Variants in CTDSPL observed in about 807,000 individuals in gnomAD.
CTDSPL encodes the protein CTD small phosphatase-like protein.
In CTDSPL, 8 loss-of-function variants were observed where a neutral mutation model predicts 30.5. The ratio of observed to expected loss-of-function variants is 0.26; its 90% CI spans 0.15 to 0.47. The LOEUF (loss-of-function observed/expected upper bound fraction) is 0.47, where lower values mean the gene tolerates loss of function less well. Among genes scored for constraint, CTDSPL ranks in the 20% least tolerant of loss-of-function variants. The probability of loss-of-function intolerance (pLI) is 0.99; values close to 1 mark genes in which losing one functional copy is unlikely to be tolerated. For missense variants in CTDSPL, 248 were observed against 366.1 expected, an observed-to-expected ratio of 0.68 and a Z score of 2.63; for synonymous variants, 110 against 137.9, an observed-to-expected ratio of 0.80 and a Z score of 1.42.
At chr3:37,885,210 A>G (rs1698249955) in intron 1 of CTDSPL, among the ~76,000 whole-genome samples, 1 of 152,224 alleles carries the variant, frequency 6.6e-6, no homozygotes, top group African/African-American at 2.4e-5. Flanking sequence ...GAATATGGGT[A>G]TCCAAGAGGC....
intron 1 of CTDSPL, among the ~76,000 whole-genome samples, chr3:37,893,862 AT>A (rs976230368): frequency 1.3e-5 from 2 of 152,018 alleles, no homozygotes; most frequent in Non-Finnish European, 2.9e-5. Flanking sequence ...TGTTTTGTTG[AT>A]TTTTCCCCCC....
intron 1 of CTDSPL, among the ~76,000 whole-genome samples, chr3:37,926,693 T>C (rs1384757324): frequency 2.6e-5 from 4 of 152,232 alleles, no homozygotes; most frequent in African/African-American, 9.6e-5. Context: ...TGGCAGATTT[T>C]AGAGGAATTG....
In CTDSPL at chr3:37,964,621, G is replaced by A. The variant is rs755564214; in HGVS notation, c.318G>A (p.Lys106=). ...AGGTGACGGTGCTTGACTATGGAAA[G>A]AAATGTGTGGTCATTGATTTAGATG... The part of the protein sequence containing the change: ...LPEVTVLDYG[K]KCVVIDLDET... Residue 106 remains lysine (K), a synonymous_variant, in exon 4 of 8, where the codon AAG becomes AAA. Coordinates refer to ENST00000273179, the MANE Select transcript of CTDSPL (RefSeq NM_001008392.2). The A allele has an allele frequency of 2.5e-6, 4 of 1,613,884 alleles. No individual in the cohort carries two copies. In the African/African-American group the frequency reaches 5.3e-5, roughly 22 times the overall value.
At chr3:37,880,278 C>T (rs756308483) in intron 1 of CTDSPL, among the ~76,000 whole-genome samples, 4 of 151,970 alleles carry the variant, frequency 2.6e-5, no homozygotes, top group Non-Finnish European at 5.9e-5. Flanking sequence ...CAAATAGTAG[C>T]GCCAGGAGGC....
rs192175061 is a variant in CTDSPL, at chr3:37,982,347, G to A, written c.*1480G>A. ...CTCTCTTTGCAGCCTTTCCCAGTTTGGTGTTTAAGCAGTGCCATGTTCCTT... is the reference window on the plus strand; with the variant it reads ...CTCTCTTTGCAGCCTTTCCCAGTTTAGTGTTTAAGCAGTGCCATGTTCCTT... On this transcript the variant is annotated 3_prime_UTR_variant, in exon 8 of 8. Coordinates refer to ENST00000273179, the MANE Select transcript of CTDSPL (RefSeq NM_001008392.2). 1.1e-3 allele frequency: 377 copies of A among 348,018 alleles called. 1 individual carries two copies. Among genetic ancestry groups the A allele is most frequent in the African/African-American group, 5.1e-3 (238 of 46,728 alleles). 21.6% of individuals were successfully genotyped at this position (348,018 alleles called of 1,614,324 possible).
chr3:37,955,653 G>A (rs954022484), intron 2 of CTDSPL, among the ~76,000 whole-genome samples: 3 of 152,094 alleles, frequency 2.0e-5, no homozygotes, highest in Non-Finnish European at 4.4e-5. Flanking sequence ...AATACTCATG[G>A]ACAACAAAGG....
intron 1 of CTDSPL, among the ~76,000 whole-genome samples, chr3:37,893,756 A>T (rs530624140): frequency 6.6e-5 from 10 of 152,334 alleles, no homozygotes; most frequent in Non-Finnish European, 1.3e-4. Context: ...CCAGGGCGGT[A>T]TAGACCAGTA....
chr3:37,902,746 G>C (rs1698466011), intron 1 of CTDSPL, among the ~76,000 whole-genome samples: 1 of 151,940 alleles, frequency 6.6e-6, no homozygotes, highest in South Asian at 2.1e-4. Context: ...GAACAACACT[G>C]CAGTTAGACA....
intron 2 of CTDSPL, among the ~76,000 whole-genome samples, chr3:37,948,336 A>T (rs1699066961): frequency 6.6e-6 from 1 of 152,176 alleles, no homozygotes. Context: ...GAGCGAAGAG[A>T]CCTCATACAA....
At chr3:37,894,406 C>G (rs1376709409) in intron 1 of CTDSPL, among the ~76,000 whole-genome samples, 1 of 152,082 alleles carries the variant, frequency 6.6e-6, no homozygotes, top group Non-Finnish European at 1.5e-5. Context: ...CAGGCCCAGC[C>G]AAGTTTTTTT....
At chr3:37,932,301 G>A (rs1004867664) in intron 1 of CTDSPL, among the ~76,000 whole-genome samples, 4 of 152,118 alleles carry the variant, frequency 2.6e-5, no homozygotes, top group African/African-American at 9.7e-5. Context: ...ATTAGAATGA[G>A]AAGGAACCAT....
intron 6 of CTDSPL, among the ~76,000 whole-genome samples, chr3:37,974,278 C>T (rs1221067776): frequency 1.3e-5 from 2 of 152,240 alleles, no homozygotes. Flanking sequence ...TGCTCCTGGA[C>T]TCTGCCTCCT....
intron 1 of CTDSPL, among the ~76,000 whole-genome samples, chr3:37,891,872 ATATG>A (rs1698330929): frequency 6.6e-6 from 1 of 152,162 alleles, no homozygotes; most frequent in African/African-American, 2.4e-5. Flanking sequence ...TACAACATAT[ATATG>A]TGTGTGTACA....
At chr3:37,921,959 C>A (rs1034014758) in intron 1 of CTDSPL, among the ~76,000 whole-genome samples, 20 of 152,140 alleles carry the variant, frequency 1.3e-4, no homozygotes, top group African/African-American at 4.8e-4. Flanking sequence ...TAGGGCCAGG[C>A]GCGGTGGCTC....
chr3:37,934,550 T>A (rs1037503108), intron 1 of CTDSPL, among the ~76,000 whole-genome samples: 2 of 152,218 alleles, frequency 1.3e-5, no homozygotes, highest in Non-Finnish European at 1.5e-5. Context: ...GTTGGTATAT[T>A]TTACATAATC....
intron 1 of CTDSPL, among the ~76,000 whole-genome samples, chr3:37,902,692 C>A (rs1000679964): frequency 1.3e-5 from 2 of 152,122 alleles, no homozygotes; most frequent in African/African-American, 4.8e-5. Context: ...ATTCAAACCC[C>A]CCACAAGGAG....
At chr3:37,967,731 C>A in intron 4 of CTDSPL, 95 bp from the exon 5 acceptor site, 1 of 846,462 alleles carries the variant, frequency 1.2e-6, no homozygotes, top group Non-Finnish European at 1.9e-6. Flanking sequence ...TTCCAATAAC[C>A]AAAACATTGG....
intron 4 of CTDSPL, among the ~76,000 whole-genome samples, chr3:37,965,578 G>A (rs1699291204): frequency 6.6e-6 from 1 of 152,128 alleles, no homozygotes; most frequent in South Asian, 2.1e-4. Flanking sequence ...TCCCCCACCA[G>A]CCTGGGACTC....
intron 7 of CTDSPL, among the ~76,000 whole-genome samples, chr3:37,976,324 TCTTTA>T (rs1180950279): frequency 6.6e-6 from 1 of 152,158 alleles, no homozygotes; most frequent in Non-Finnish European, 1.5e-5. Flanking sequence ...CTGGTTGATC[TCTTTA>T]ACAGAAGTAT....
Sources: allele counts gnomAD v4.1 joint callset (sites outside exome capture counted in the v4.1 genomes callset), GRCh38; gene constraint gnomAD v4.1.1; transcripts MANE v1.5; gene names NCBI Gene and HGNC (gene_info 2026-07-23, HGNC 2026-07-21).